The following ADGRG2 variants were observed in gnomAD, a reference collection of about 807,000 sequenced individuals.
The protein encoded by ADGRG2 is adhesion G protein-coupled receptor G2.
Under a neutral mutation model 74.1 loss-of-function variants are expected in ADGRG2, and 26 were observed. That is an observed-to-expected ratio of 0.35 (90% CI 0.26 to 0.49). The LOEUF is 0.49. Among genes scored for constraint, ADGRG2 ranks in the 20% least tolerant of loss-of-function variants. ADGRG2 has a pLI of 0.99. For missense variants in ADGRG2, 619 were observed against 763.1 expected (o/e 0.81, Z 2.22); for synonymous variants, 296 against 295.2 (o/e 1.00, Z -0.03).
chrX:19,010,634 A>G lies in ADGRG2; in HGVS notation c.1244T>C (p.Met415Thr), dbSNP rs777433600. ...VSRLLHSPPD[M>T]LAPLAQRLLK... ...GTACCTTTGAGCCAGAGGGGCCAGCATGTCAGGCGGGGAATGAAGGAGTCT... is the reference window on the plus strand; with the variant it reads ...GTACCTTTGAGCCAGAGGGGCCAGCGTGTCAGGCGGGGAATGAAGGAGTCT... The change falls in exon 17 of 29, where the codon ATG (methionine) becomes ACG (threonine). Residue 415 changes from methionine (M) to threonine (T), a missense_variant. Transcript: ENST00000379869. The G allele has an allele frequency of 2.5e-6, 3 of 1,206,281 alleles. No individual in the cohort carries two copies. The highest frequency in any genetic ancestry group is 3.5e-5 in the African/African-American group (2 of 56,945).
chrX:19,071,722 T>C (rs187449511), intron 2 of ADGRG2, among the ~76,000 whole-genome samples: 132 of 111,109 alleles, frequency 1.2e-3, no homozygotes, highest in African/African-American at 4.3e-3. Context: ...TTCACGAAAT[T>C]CACTGAGTTG....
intron 3 of ADGRG2, among the ~76,000 whole-genome samples, chrX:19,049,438 G>GTGTTTTTT (rs1555901662): frequency 2.4e-5 from 2 of 82,214 alleles, no homozygotes; most frequent in African/African-American, 1.1e-4. Context: ...CGTTTTTTGT[G>GTGTTTTTT]TTTTTTTTTT....
intron 13 of ADGRG2, among the ~76,000 whole-genome samples, chrX:19,022,729 C>T (rs776254570): frequency 8.9e-6 from 1 of 112,111 alleles, no homozygotes; most frequent in African/African-American, 3.2e-5. Flanking sequence ...CAAAGTCTCA[C>T]TCTGTCACCC....
rs764953940 is a variant in ADGRG2 at position 19,087,086 on chromosome X, C to T, written c.-46-4340G>A. Reference sequence around the variant, plus strand: ...GTCTTAGAGTGGTAGGTATTGCCATCGAGGAACAAACAAGAGTGGTTCTAG... The same window carrying T: ...GTCTTAGAGTGGTAGGTATTGCCATTGAGGAACAAACAAGAGTGGTTCTAG... On this transcript the variant is annotated intron_variant, in intron 1 of 28. Coordinates refer to ENST00000379869, the MANE Select transcript of ADGRG2 (RefSeq NM_001079858.3). 7.2e-5 allele frequency among the ~76,000 whole-genome samples: 8 copies of T among 111,510 alleles called. No homozygotes were observed. The South Asian group carries it at 1.5e-3, about 21-fold the overall frequency.
At chrX:19,072,487 A>T (rs1268358655) in intron 2 of ADGRG2, among the ~76,000 whole-genome samples, 1 of 112,112 alleles carries the variant, frequency 8.9e-6, no homozygotes, top group Non-Finnish European at 1.9e-5. Flanking sequence ...GCTAACTCGT[A>T]GGGCAGGACC....
rs747821154 is a variant in ADGRG2 at position 19,037,744 on chromosome X, T to G, written c.155-108A>C. 13 of 516,672 alleles carry G rather than the reference T, an allele frequency of 2.5e-5. No homozygotes were observed. The East Asian group carries it at 4.1e-4, about 16-fold the overall frequency. The allele number at this position is 516,672 out of a possible 1,213,427, so 42.6% of individuals were successfully genotyped here. Reference sequence around the variant, plus strand: ...TTACGAAAAGAAGTAGAAAACACACTAGCAGACCAAGTTGTAGTTAAATCT... The same window carrying G: ...TTACGAAAAGAAGTAGAAAACACACGAGCAGACCAAGTTGTAGTTAAATCT... On this transcript the variant is annotated intron_variant, in intron 4 of 28. Transcript: ENST00000379869.
At chrX:19,005,854 A>G (rs1416548545) in intron 22 of ADGRG2, 148 bp downstream of exon 22, 2 of 448,941 alleles carry the variant, frequency 4.5e-6, no homozygotes, top group Non-Finnish European at 8.0e-6. Context: ...TGCCCAGCAA[A>G]GAGCAATCTC....
chrX:19,098,685 G>A (rs1373451565), intron 1 of ADGRG2, among the ~76,000 whole-genome samples: 2 of 111,097 alleles, frequency 1.8e-5, no homozygotes, highest in African/African-American at 6.6e-5. Context: ...TGGAGGTGGG[G>A]GAGGTAGCAA....
At chrX:19,083,170 ATTTTTTTT>A (rs58522004) in intron 1 of ADGRG2, among the ~76,000 whole-genome samples, 1 of 83,191 alleles carries the variant, frequency 1.2e-5, no homozygotes. Context: ...CACCCGGCTA[ATTTTTTTT>A]TTTTTTTTTT....
rs780582548 is a variant in ADGRG2 at position 19,014,055 on chromosome X, C to A, written c.730G>T (p.Val244Phe). Residue 244 changes from valine to phenylalanine, a missense_variant, in exon 16 of 29, where the codon GTC (valine) becomes TTC (phenylalanine). Val to Phe is a conservative substitution (Grantham distance 50). Coordinates refer to ENST00000379869, the MANE Select transcript of ADGRG2 (RefSeq NM_001079858.3). ...CCACGTGGATGGTCAGCAAGACAGA[C>A]AATGGGATCCTGCAGGTCACTAAAG... ...KLQCDLQDPI[V>F]CLADHPRGPP... 23 of 1,200,539 alleles carry A rather than the reference C, an allele frequency of 1.9e-5. No individual in the cohort carries two copies. Among genetic ancestry groups the A allele is most frequent in the Non-Finnish European group, 2.5e-5 (22 of 889,818 alleles).
At chrX:19,065,389 G>A (rs10126555) in intron 3 of ADGRG2, among the ~76,000 whole-genome samples, 34,200 of 108,948 alleles carry the variant, frequency 0.31, 4,367 homozygotes, top group African/African-American at 0.46. Context: ...GGTGATGCCA[G>A]TGCTACTTGT....
rs756053665 is a variant in ADGRG2 at position 18,990,947 on chromosome X, C to A, written c.2971G>T (p.Glu991Ter). 9 of 1,204,229 alleles carry A rather than the reference C, an allele frequency of 7.5e-6. No individual in the cohort carries two copies. In the East Asian group the frequency reaches 2.4e-4, roughly 32 times the overall value. The change falls in exon 29 of 29, where the codon GAA (glutamate) becomes TAA (stop). Residue 991 changes from glutamate (E) to a stop codon, truncating the protein, a stop_gained. Coordinates refer to ENST00000379869, the MANE Select transcript of ADGRG2 (RefSeq NM_001079858.3). LOFTEE classifies it high-confidence loss of function. ...CGGCCTTTCCCATTGCAGGAATCTT[C>A]CTTCTCGTTAAACATGTGCTGTTTT... ...TGKQHMFNEKEDSCNGKGRMA... is the reference protein window; with the variant it reads ...TGKQHMFNEK
At chrX:19,070,664 T>C (rs2061639569) in intron 2 of ADGRG2, among the ~76,000 whole-genome samples, 1 of 112,074 alleles carries the variant, frequency 8.9e-6, no homozygotes, top group African/African-American at 3.2e-5. Context: ...AGGCTGTGTG[T>C]CCTCAGCTAG....
Position 18,990,960 on chromosome X carries a change from C to G in ADGRG2, c.2958G>C (p.Met986Ile). ...TGCAGGAATCTTCCTTCTCGTTAAA[C>G]ATGTGCTGTTTTCCAGTGAAATCGT... ...CLHDFTGKQH[M>I]FNEKEDSCNG... The change falls in exon 29 of 29, where the codon ATG becomes ATC. Residue 986 changes from methionine (M) to isoleucine (I), a missense_variant. Transcript: ENST00000379869. 8.3e-7 allele frequency: 1 copy of G among 1,201,713 alleles called. No individual in the cohort carries two copies. The highest frequency in any genetic ancestry group is 1.8e-5 in the South Asian group (1 of 56,675).
intron 3 of ADGRG2, among the ~76,000 whole-genome samples, chrX:19,050,876 G>A (rs944929631): frequency 2.7e-5 from 3 of 111,827 alleles, no homozygotes; most frequent in East Asian, 5.6e-4. Context: ...CTGACATGTC[G>A]GAGTTGGAAT....
chrX:19,054,154 A>G (rs998703959), intron 3 of ADGRG2, among the ~76,000 whole-genome samples: 2 of 111,946 alleles, frequency 1.8e-5, no homozygotes, highest in African/African-American at 6.5e-5. Context: ...TACGTGCAAG[A>G]CTTCCACTCC....
chrX:19,092,156 C>T (rs1297138653), intron 1 of ADGRG2, among the ~76,000 whole-genome samples: 2 of 112,050 alleles, frequency 1.8e-5, no homozygotes, highest in Admixed American at 1.9e-4. Flanking sequence ...CAATCCACAG[C>T]CTTTGATCCC....
At chrX:19,052,695 C>CT (rs972667269) in intron 3 of ADGRG2, among the ~76,000 whole-genome samples, 60 of 103,794 alleles carry the variant, frequency 5.8e-4, no homozygotes, top group African/African-American at 1.9e-3. Flanking sequence ...CCATCTTAAC[C>CT]TTTTTTTTTT....
intron 18 of ADGRG2, 53 bp downstream of exon 18, chrX:19,009,573 G>A: frequency 4.8e-6 from 5 of 1,033,802 alleles, no homozygotes; most frequent in Non-Finnish European, 6.8e-6. Flanking sequence ...ATACAATGGG[G>A]ACTACAATCA....
Sources: allele counts gnomAD v4.1 joint callset (sites outside exome capture counted in the v4.1 genomes callset), GRCh38; gene constraint gnomAD v4.1.1; transcripts MANE v1.5; gene names NCBI Gene and HGNC (gene_info 2026-07-23, HGNC 2026-07-21).